Variants in POLG2 observed in about 807,000 individuals in gnomAD.
The protein encoded by POLG2 is DNA polymerase gamma 2, accessory subunit, also known as DNA polymerase subunit gamma-2.
In POLG2, 50 loss-of-function variants were observed where a neutral mutation model predicts 56.5. That is an observed-to-expected ratio of 0.88 (90% CI 0.71 to 1.12). The LOEUF (loss-of-function observed/expected upper bound fraction) is 1.12. Ranked by LOEUF, POLG2 falls within the 50% of genes most tolerant of loss-of-function variation. The pLI is 0.00. For missense variants in POLG2, 584 were observed against 583.3 expected (o/e 1.00, Z -0.01); for synonymous variants, 226 against 222.6 (o/e 1.02, Z -0.14).
chr17:64,487,821 G>C (rs997421631), intron 4 of POLG2, among the ~76,000 whole-genome samples: 3 of 151,958 alleles, frequency 2.0e-5, no homozygotes, highest in Non-Finnish European at 4.4e-5. Flanking sequence ...GGGCAACATG[G>C]CAAGATCCCA....
intron 4 of POLG2, among the ~76,000 whole-genome samples, chr17:64,490,081 C>T (rs2038031277): frequency 6.6e-6 from 1 of 152,112 alleles, no homozygotes; most frequent in Non-Finnish European, 1.5e-5. Flanking sequence ...CAAGCCACCA[C>T]ATCCAGCTAA....
At position 64,497,033 on chromosome 17, in the gene POLG2, C is replaced by A. The variant is rs889151949; in HGVS notation, c.-65G>T. 4.9e-5 allele frequency: 73 copies of A among 1,492,590 alleles called. No individual in the cohort carries two copies. Among genetic ancestry groups the A allele is most frequent in the Non-Finnish European group, 6.2e-5 (67 of 1,083,308 alleles). The allele number at this position is 1,492,590 out of a possible 1,614,324, so 92.5% of individuals were successfully genotyped here. A position where few individuals can be genotyped will look rare whatever the true frequency, so the allele number is the denominator to read the frequency against. Reference sequence around the variant, plus strand: ...ACGGATCCCAACAAGCCACCACTACCGTTAACAGAATCCGGAGAGGCCACG... The same window carrying A: ...ACGGATCCCAACAAGCCACCACTACAGTTAACAGAATCCGGAGAGGCCACG... On this transcript the variant is annotated 5_prime_UTR_variant, in exon 1 of 8. Coordinates refer to ENST00000539111, the MANE Select transcript of POLG2 (RefSeq NM_007215.4).
intron 4 of POLG2, chr17:64,490,485 G>A (rs567759624): frequency 8.3e-6 from 3 of 362,542 alleles, no homozygotes; most frequent in African/African-American, 2.1e-5. Context: ...GGTCACGCAA[G>A]ACAAGAGGAA....
At chr17:64,496,045 A>T (rs1411993032) in intron 1 of POLG2, among the ~76,000 whole-genome samples, 1 of 152,200 alleles carries the variant, frequency 6.6e-6, no homozygotes, top group Non-Finnish European at 1.5e-5. Flanking sequence ...ATAGTTTCAG[A>T]ATTATAATTT....
intron 5 of POLG2, chr17:64,485,171 T>C (rs1555667192): frequency 6.5e-6 from 1 of 154,656 alleles, no homozygotes; most frequent in East Asian, 1.9e-4. Context: ...GTTTCCTTCA[T>C]CTTGCCCCAT....
intron 3 of POLG2, among the ~76,000 whole-genome samples, chr17:64,492,152 C>A (rs1467390109): frequency 3.3e-5 from 5 of 152,160 alleles, no homozygotes; most frequent in Non-Finnish European, 7.3e-5. Context: ...CATTCTTACC[C>A]TTCTGCGAAG....
chr17:64,491,950 C>A (rs372298086), intron 3 of POLG2, among the ~76,000 whole-genome samples: 213 of 135,954 alleles, frequency 1.6e-3, no homozygotes, highest in African/African-American at 3.5e-3. Flanking sequence ...AAAAAAAAAA[C>A]CAAAAACAGA....
chr17:64,496,548 C>T lies in POLG2; in HGVS notation c.421G>A (p.Gly141Arg). Residue 141 changes from glycine to arginine, a missense_variant, in exon 1 of 8, where the codon GGG (glycine) becomes AGG (arginine). Coordinates refer to ENST00000539111, the MANE Select transcript of POLG2 (RefSeq NM_007215.4). ...GAAACTAACCTGAAGGCACTGTCCC[C>T]GGGTAGCAAAGGGCCTGGTTTGTGG... The part of the protein sequence containing the change: ...LHHKPGPLLP[G>R]DSAFRLVSAE... 1 of 1,613,924 alleles carries T rather than the reference C, an allele frequency of 6.2e-7. No homozygotes were observed. The highest frequency in any genetic ancestry group is 8.5e-7 in the Non-Finnish European group (1 of 1,179,854).
At chr17:64,486,630 C>T (rs2037961309) in intron 4 of POLG2, among the ~76,000 whole-genome samples, 2 of 152,114 alleles carry the variant, frequency 1.3e-5, no homozygotes, top group African/African-American at 2.4e-5. Flanking sequence ...TCCCAAAGTG[C>T]TGGGATTACA....
At chr17:64,494,083 T>C (rs1424886398) in intron 1 of POLG2, among the ~76,000 whole-genome samples, 2 of 152,236 alleles carry the variant, frequency 1.3e-5, no homozygotes, top group Admixed American at 6.5e-5. Flanking sequence ...TTAAGATTCA[T>C]GTACTGCATT....
At position 64,493,036 on chromosome 17, in the gene POLG2, A is replaced by C; in HGVS notation, c.563-15T>G. On this transcript the variant is annotated splice_polypyrimidine_tract_variant and intron_variant, in intron 1 of 7. Transcript: ENST00000539111. ...TTCCAAGGCACCTGTCAAAAGATAA[A>C]TCAATCATTGTATACATCTAGTCCA... 6.2e-7 allele frequency: 1 copy of C among 1,613,956 alleles called. No individual in the cohort carries two copies. Among genetic ancestry groups the C allele is most frequent in the Non-Finnish European group, 8.5e-7 (1 of 1,179,802 alleles).
chr17:64,485,524 C>T (rs2037934982), intron 5 of POLG2: 2 of 588,014 alleles, frequency 3.4e-6, no homozygotes, highest in Admixed American at 2.9e-5. Context: ...TTTGGGATTA[C>T]TTATTAGGGA....
Position 64,485,860 on chromosome 17 carries a change from A to G in POLG2, c.978T>C (p.Asp326=), listed in dbSNP as rs782287116. Reference sequence around the variant, plus strand: ...CACAAGGAACCACATTTTTTCGTCCATCTCGGCCCTTCACAGAAAAACAGA... The same window carrying G: ...CACAAGGAACCACATTTTTTCGTCCGTCTCGGCCCTTCACAGAAAAACAGA... The part of the protein sequence containing the change: ...PGNVSKLHGR[D]GRKNVVPCVL... The change falls in exon 5 of 8, where the codon GAT becomes GAC. Residue 326 remains aspartate, a synonymous_variant. Coordinates refer to ENST00000539111, the MANE Select transcript of POLG2 (RefSeq NM_007215.4). 6.2e-7 allele frequency: 1 copy of G among 1,614,100 alleles called. No homozygotes were observed. The highest frequency in any genetic ancestry group is 1.1e-5 in the South Asian group (1 of 91,086).
intron 5 of POLG2, among the ~76,000 whole-genome samples, chr17:64,484,468 T>C (rs1260219596): frequency 3.3e-5 from 5 of 152,170 alleles, no homozygotes; most frequent in Non-Finnish European, 4.4e-5. Context: ...GCTTCGGTTT[T>C]TCCTGAGTGA....
At chr17:64,495,134 T>C (rs1555669244) in intron 1 of POLG2, among the ~76,000 whole-genome samples, 1 of 140,132 alleles carries the variant, frequency 7.1e-6, no homozygotes, top group African/African-American at 2.8e-5. Context: ...GCCGAGATTG[T>C]GCCACTGCAC....
chr17:64,496,029 C>G (rs78930893), intron 1 of POLG2, among the ~76,000 whole-genome samples: 10 of 152,132 alleles, frequency 6.6e-5, no homozygotes, highest in Admixed American at 2.0e-4. Flanking sequence ...CTATGATATA[C>G]ATGAAATAGT....
At chr17:64,491,497 G>T in intron 3 of POLG2, 1 of 1,416,636 alleles carries the variant, frequency 7.1e-7, no homozygotes, top group South Asian at 1.2e-5. Flanking sequence ...GCAAAAGAGT[G>T]AGACTATGTC....
At chr17:64,494,907 C>A (rs1326380373) in intron 1 of POLG2, among the ~76,000 whole-genome samples, 1 of 152,220 alleles carries the variant, frequency 6.6e-6, no homozygotes. Flanking sequence ...GGCGCAGTGG[C>A]TCACGCCTGT....
At chr17:64,492,153 T>G (rs1598133480) in intron 3 of POLG2, among the ~76,000 whole-genome samples, 1 of 152,214 alleles carries the variant, frequency 6.6e-6, no homozygotes, top group African/African-American at 2.4e-5. Flanking sequence ...ATTCTTACCC[T>G]TCTGCGAAGT....
Sources: allele counts gnomAD v4.1 joint callset (sites outside exome capture counted in the v4.1 genomes callset), GRCh38; gene constraint gnomAD v4.1.1; transcripts MANE v1.5; gene names NCBI Gene and HGNC (gene_info 2026-07-23, HGNC 2026-07-21).